The following PDE6A variants were observed in gnomAD, a reference collection of about 807,000 sequenced individuals.
PDE6A encodes the protein rod cGMP-specific 3',5'-cyclic phosphodiesterase subunit alpha.
Under a neutral mutation model 106.3 loss-of-function variants are expected in PDE6A, and 84 were observed. That is an observed-to-expected ratio of 0.79 (90% CI 0.66 to 0.95). The LOEUF (loss-of-function observed/expected upper bound fraction) is 0.95, where lower values mean the gene tolerates loss of function less well. Ranked by LOEUF, PDE6A falls within the 40% of genes least tolerant of loss-of-function variation. The pLI, the probability that PDE6A is intolerant of heterozygous loss-of-function variation, is 0.00. For missense variants in PDE6A, 1,052 were observed against 1,084.9 expected (o/e 0.97, Z 0.43); for synonymous variants, 394 against 386.6 (o/e 1.02, Z -0.23).
intron 5 of PDE6A, among the ~76,000 whole-genome samples, chr5:149,916,287 A>C (rs1482923743): frequency 2.0e-5 from 3 of 152,192 alleles, no homozygotes; most frequent in Admixed American, 1.3e-4. Context: ...TTTAATTTTG[A>C]CTTTGATAAG....
At position 149,884,646 on chromosome 5, in the gene PDE6A, A is replaced by G. The variant is rs528023179; in HGVS notation, c.1927-67T>C. 1.9e-4 allele frequency: 273 copies of G among 1,437,322 alleles called. 5 individuals are homozygous for G. The South Asian group carries it at 2.6e-3, about 13-fold the overall frequency. The allele number at this position is 1,437,322 out of a possible 1,614,324, so 89.0% of individuals were successfully genotyped here. A position where few individuals can be genotyped will look rare whatever the true frequency, so the allele number is the denominator to read the frequency against. The stretch of plus-strand genomic sequence containing the variant: ...TGGCAGTAAAGTCACCCACCTACCA[A>G]TGGCCACCCCAGATGATGGCAGAGG... On this transcript the variant is annotated intron_variant, in intron 15 of 21. Coordinates refer to ENST00000255266, the MANE Select transcript of PDE6A (RefSeq NM_000440.3).
intron 4 of PDE6A, among the ~76,000 whole-genome samples, chr5:149,929,393 T>A (rs187634758): frequency 3.4e-4 from 51 of 151,920 alleles, no homozygotes; most frequent in Non-Finnish European, 5.6e-4. Context: ...GATCACGAGG[T>A]CGGGAGATTG....
intron 3 of PDE6A, 74 bp from the exon 4 acceptor site, chr5:149,931,242 C>T (rs1754026222): frequency 1.4e-6 from 2 of 1,410,288 alleles, no homozygotes; most frequent in South Asian, 1.2e-5. Context: ...AGAATAACAA[C>T]AATTCTGTAA....
rs776918069 is a variant in PDE6A, at chr5:149,895,222, G to T, written c.1689C>A (p.His563Gln). Residue 563 changes from histidine to glutamine, a missense_variant, in exon 13 of 22, where the codon CAC (histidine) becomes CAA (glutamine). By Grantham distance (24) the His-to-Gln change is conservative. Coordinates refer to ENST00000255266, the MANE Select transcript of PDE6A (RefSeq NM_000440.3). ...ACATGGTCTGCCCCACGTTGAAGCC[G>T]TGCCGCCAGTTGTGGTAGGTGATCT... Reference protein sequence around the residue: ...YRKITYHNWRHGFNVGQTMFS... With the variant: ...YRKITYHNWRQGFNVGQTMFS... 12 of 1,613,930 alleles carry T rather than the reference G, an allele frequency of 7.4e-6. No individual in the cohort carries two copies. The highest frequency in any genetic ancestry group is 9.3e-6 in the Non-Finnish European group (11 of 1,179,928).
intron 5 of PDE6A, among the ~76,000 whole-genome samples, chr5:149,920,948 A>AAG (rs70973554): frequency 1.7e-5 from 2 of 117,374 alleles, no homozygotes; most frequent in East Asian, 2.3e-4. Flanking sequence ...GAGAAAAAGA[A>AAG]AGAAAGAAAG....
At position 149,933,493 on chromosome 5, in the gene PDE6A, T is replaced by G. The variant is rs186953099; in HGVS notation, c.717+437A>C. Among the ~76,000 whole-genome samples, 223 of 152,190 alleles carry G rather than the reference T, an allele frequency of 1.5e-3. 4 individuals carry two copies. In the South Asian group the frequency reaches 0.016, roughly 11 times the overall value. ...GATGAAGTAACTGGCTGCTTTACATTGGGTCCAGCTCTTTCCCTTTCATTT... is the reference window on the plus strand; with the variant it reads ...GATGAAGTAACTGGCTGCTTTACATGGGGTCCAGCTCTTTCCCTTTCATTT... On this transcript the variant is annotated intron_variant, in intron 3 of 21. Transcript: ENST00000255266.
chr5:149,931,660 A>G (rs1438303300), intron 3 of PDE6A, among the ~76,000 whole-genome samples: 1 of 152,246 alleles, frequency 6.6e-6, no homozygotes, highest in Non-Finnish European at 1.5e-5. Flanking sequence ...AAAAATGTCT[A>G]TTAACAAAAC....
intron 1 of PDE6A, among the ~76,000 whole-genome samples, chr5:149,939,577 C>T (rs190078400): frequency 6.6e-6 from 1 of 152,216 alleles, no homozygotes; most frequent in Admixed American, 6.5e-5. Context: ...CGGGAGCTGC[C>T]AATAGGAGCC....
At position 149,867,768 on chromosome 5, in the gene PDE6A, TC is replaced by T; in HGVS notation, c.2230del (p.Glu744AsnfsTer17). ...CACCGTGCGCTCCAGGTCACCTTGT[TC>T]CCAGAATTCAGCAGCCACCAGCAGA... ...VALLVAAEFW[E>X]QGDLERTVLQ... On this transcript the variant is annotated frameshift_variant, in exon 19 of 22. Coordinates refer to ENST00000255266, the MANE Select transcript of PDE6A (RefSeq NM_000440.3). LOFTEE classifies it high-confidence loss of function. 2 of 1,613,724 alleles carry T rather than the reference TC, an allele frequency of 1.2e-6. No homozygotes were observed. The highest frequency in any genetic ancestry group is 1.7e-6 in the Non-Finnish European group (2 of 1,179,982).
chr5:149,939,177 G>A (rs1032357072), intron 1 of PDE6A, among the ~76,000 whole-genome samples: 2 of 152,116 alleles, frequency 1.3e-5, no homozygotes, highest in Non-Finnish European at 2.9e-5. Context: ...TCACCCACAG[G>A]CCCAAGTCAC....
intron 4 of PDE6A, among the ~76,000 whole-genome samples, chr5:149,926,979 C>CAAAAAAAAAAA (rs539891462): frequency 1.4e-5 from 1 of 70,450 alleles, no homozygotes; most frequent in African/African-American, 5.3e-5. Flanking sequence ...ACTCCGTCTC[C>CAAAAAAAAAAA]AAAAAAAAAA....
At chr5:149,926,665 A>G in intron 4 of PDE6A, among the ~76,000 whole-genome samples, 1 of 152,230 alleles carries the variant, frequency 6.6e-6, no homozygotes, top group East Asian at 1.9e-4. Flanking sequence ...ACTTATATTC[A>G]TAAAAACACA....
At position 149,860,553 on chromosome 5, in the gene PDE6A, C is replaced by T; in HGVS notation, c.*342G>A. 1 of 220,996 alleles carries T rather than the reference C, an allele frequency of 4.5e-6. No individual in the cohort carries two copies. The highest frequency in any genetic ancestry group is 2.3e-5 in the African/African-American group (1 of 44,150). 13.7% of individuals were successfully genotyped at this position (220,996 alleles called of 1,614,324 possible). On this transcript the variant is annotated 3_prime_UTR_variant, in exon 22 of 22. Transcript: ENST00000255266. ...AGGTATAAGCCAAGCTTGTTCAACC[C>T]ACGGCCCGTGGGCCACATGCAGCCC...
In PDE6A at chr5:149,898,293, GC is replaced by G. The variant is rs1450274087; in HGVS notation, c.1407+69del. On this transcript the variant is annotated intron_variant, in intron 10 of 21. Transcript: ENST00000255266. The stretch of plus-strand genomic sequence containing the variant: ...GTGCCCTCATGGAGTTGCAAGTTTT[GC>G]CTTAATCTGGCCACATCTCTGAGAC... The G allele has an allele frequency of 2.0e-6, 3 of 1,465,308 alleles. No homozygotes were observed. The African/African-American group carries it at 4.2e-5, about 20-fold the overall frequency. 90.8% of individuals were successfully genotyped at this position (1,465,308 alleles called of 1,614,324 possible).
chr5:149,884,640 C>G, intron 15 of PDE6A, 61 bp from the exon 16 acceptor site: 5 of 1,460,140 alleles, frequency 3.4e-6, no homozygotes, highest in Non-Finnish European at 4.8e-6. Flanking sequence ...AGTCACCCAC[C>G]TACCAATGGC....
At chr5:149,913,146 C>T (rs1453152987) in intron 6 of PDE6A, among the ~76,000 whole-genome samples, 5 of 152,050 alleles carry the variant, frequency 3.3e-5, no homozygotes, top group African/African-American at 9.7e-5. Context: ...CTTTGGGAGG[C>T]CAAGGTAGGT....
In PDE6A at chr5:149,883,501, G is replaced by GA; in HGVS notation, c.2062dup (p.Ser688PhefsTer2). 1.9e-6 allele frequency: 3 copies of GA among 1,613,580 alleles called. No homozygotes were observed. The highest frequency in any genetic ancestry group is 2.5e-6 in the Non-Finnish European group (3 of 1,179,524). On this transcript the variant is annotated frameshift_variant, in exon 17 of 22. Transcript: ENST00000255266. LOFTEE classifies it high-confidence loss of function. ...CTCCTGTTCACTCTCATATGTCTTA[G>GA]ACTGATCCACGATCTTTTGGAACAT...
At chr5:149,933,689 G>T (rs1305391160) in intron 3 of PDE6A, among the ~76,000 whole-genome samples, 1 of 152,210 alleles carries the variant, frequency 6.6e-6, no homozygotes, top group Non-Finnish European at 1.5e-5. Context: ...CTCACTTAGG[G>T]TCTTAGAGCT....
At chr5:149,914,413 T>A (rs1753488040) in intron 6 of PDE6A, among the ~76,000 whole-genome samples, 1 of 152,198 alleles carries the variant, frequency 6.6e-6, no homozygotes, top group Non-Finnish European at 1.5e-5. Flanking sequence ...TTTTGAGATG[T>A]GTTAAAATAA....
Sources: gnomAD v4.1 joint callset for allele counts (sites outside exome capture counted in the v4.1 genomes callset) on GRCh38, gnomAD v4.1.1 for gene constraint, MANE v1.5 for transcripts, NCBI Gene and HGNC (gene_info 2026-07-23, HGNC 2026-07-21) for gene names.